OSBPL3: variants seen among roughly 807,000 people sequenced by gnomAD.
OSBPL3 encodes the protein oxysterol-binding protein-related protein 3.
OSBPL3 carries 65 observed loss-of-function variants against 120.1 expected under a neutral mutation model. The ratio of observed to expected loss-of-function variants is 0.54; its 90% CI spans 0.44 to 0.67. The LOEUF is 0.67. OSBPL3 is among the 30% of genes least tolerant of loss of function. The probability of loss-of-function intolerance (pLI) is 0.00; values close to 1 mark genes in which losing one functional copy is unlikely to be tolerated. For synonymous variants in OSBPL3, 416 were observed against 402.6 expected (o/e 1.03, Z -0.40); for missense variants, 1,004 against 1,082.1 (o/e 0.93, Z 1.01).
At position 24,867,089 on chromosome 7, in the gene OSBPL3, C is replaced by T. The variant is rs1346030484; in HGVS notation, c.382-852G>A. On this transcript the variant is annotated intron_variant, in intron 5 of 22. Coordinates refer to ENST00000313367, the MANE Select transcript of OSBPL3 (RefSeq NM_015550.4). This position sits in a 1 kb window ranked among gnomAD's most constrained non-coding sequence, Gnocchi z 4.5. ...TGCTGGGATTACAGGCGTGAGCCAC[C>T]ACACCTGGCCTGTTATGCTATTTTT... Among the ~76,000 whole-genome samples the T allele has an allele frequency of 6.6e-6, 1 of 152,172 alleles. No individual in the cohort carries two copies. Among genetic ancestry groups the T allele is most frequent in the Non-Finnish European group, 1.5e-5 (1 of 68,020 alleles).
intron 1 of OSBPL3, among the ~76,000 whole-genome samples, chr7:24,956,461 G>C (rs939629017): frequency 1.3e-5 from 2 of 152,244 alleles, no homozygotes; most frequent in African/African-American, 4.8e-5. Context: ...CCCATTCCAT[G>C]TATTTGTTGT....
intron 1 of OSBPL3, among the ~76,000 whole-genome samples, chr7:24,963,558 C>T (rs1287236866): frequency 6.6e-6 from 1 of 152,144 alleles, no homozygotes; most frequent in Non-Finnish European, 1.5e-5. Flanking sequence ...CATCTGACTG[C>T]CTATGCACAA....
chr7:24,865,277 T>G lies in OSBPL3; in HGVS notation c.673+65A>C, dbSNP rs1801149311. On this transcript the variant is annotated intron_variant, in intron 7 of 22. Transcript: ENST00000313367. ...GGGAAGGACACAAATGAATCTGAAGTGTAAACATCAAACCAGTATCATCTA... is the reference window on the plus strand; with the variant it reads ...GGGAAGGACACAAATGAATCTGAAGGGTAAACATCAAACCAGTATCATCTA... 2.6e-6 allele frequency: 4 copies of G among 1,536,628 alleles called. No individual in the cohort carries two copies. The Admixed American group carries it at 7.1e-5, about 27-fold the overall frequency.
chr7:24,874,181 T>C (rs1351777984), intron 2 of OSBPL3, among the ~76,000 whole-genome samples: 2 of 152,224 alleles, frequency 1.3e-5, no homozygotes, highest in Non-Finnish European at 1.5e-5. Context: ...GTGCCCAGTA[T>C]CTTTGAGCCA....
chr7:24,870,055 G>C (rs1408766209), intron 5 of OSBPL3, among the ~76,000 whole-genome samples: 1 of 152,186 alleles, frequency 6.6e-6, no homozygotes, highest in Non-Finnish European at 1.5e-5. Context: ...AACCCGACAA[G>C]ATAAGTATTA....
chr7:24,963,419 A>G (rs1173981199), intron 1 of OSBPL3, among the ~76,000 whole-genome samples: 1 of 152,214 alleles, frequency 6.6e-6, no homozygotes, highest in Non-Finnish European at 1.5e-5. Flanking sequence ...GTTCACCATG[A>G]CAAAACACCA....
At position 24,899,585 on chromosome 7, in the gene OSBPL3, T is replaced by C. The variant is rs982736922; in HGVS notation, c.-149-6964A>G. 1.3e-5 allele frequency among the ~76,000 whole-genome samples: 2 copies of C among 152,214 alleles called. No homozygotes were observed. Among genetic ancestry groups the C allele is most frequent in the Non-Finnish European group, 2.9e-5 (2 of 68,048 alleles). ...ACTTCTTTGTTACGGCATACATAGA[T>C]TGCACAGGCATATGAAATCTATACT... On this transcript the variant is annotated intron_variant, in intron 1 of 22. Coordinates refer to ENST00000313367, the MANE Select transcript of OSBPL3 (RefSeq NM_015550.4). This position sits in a 1 kb window ranked among gnomAD's most constrained non-coding sequence, Gnocchi z 4.0.
chr7:24,979,710 A>C (rs1818037264), intron 1 of OSBPL3, among the ~76,000 whole-genome samples, 176 bp downstream of exon 1: 1 of 151,986 alleles, frequency 6.6e-6, no homozygotes, highest in African/African-American at 2.4e-5. Flanking sequence ...TGCAGCCGGC[A>C]CCCAAGCTCC....
intron 1 of OSBPL3, among the ~76,000 whole-genome samples, chr7:24,954,558 C>G (rs1296653483): frequency 6.6e-6 from 1 of 151,588 alleles, no homozygotes; most frequent in Non-Finnish European, 1.5e-5. Context: ...GCTGCCTGGT[C>G]AATTCTCACA....
At chr7:24,816,174 GCCACC>G (rs1381703879) in intron 18 of OSBPL3, among the ~76,000 whole-genome samples, 1 of 152,092 alleles carries the variant, frequency 6.6e-6, no homozygotes, top group Non-Finnish European at 1.5e-5. Context: ...ACAGGTGCGT[GCCACC>G]ACTATGCCTG....
chr7:24,810,118 T>C, intron 19 of OSBPL3, 167 bp from the exon 20 acceptor site: 1 of 638,334 alleles, frequency 1.6e-6, no homozygotes, highest in Non-Finnish European at 2.7e-6. Context: ...ATAAAAAATT[T>C]ATATATTTAT....
chr7:24,840,831 G>T, intron 13 of OSBPL3, 48 bp from the exon 14 acceptor site: 2 of 858,668 alleles, frequency 2.3e-6, no homozygotes, highest in Admixed American at 5.0e-5. Flanking sequence ...ATAAACAAGA[G>T]CCAGATTTTC....
In OSBPL3 at chr7:24,824,789, G is replaced by A. The variant is rs1795503922; in HGVS notation, c.1885-4551C>T. Among the ~76,000 whole-genome samples, 1 of 152,208 alleles carries A rather than the reference G, an allele frequency of 6.6e-6. No individual in the cohort carries two copies. The highest frequency in any genetic ancestry group is 2.4e-5 in the African/African-American group (1 of 41,442). On this transcript the variant is annotated intron_variant, in intron 16 of 22. Transcript: ENST00000313367. This position sits in a 1 kb window ranked among gnomAD's most constrained non-coding sequence, Gnocchi z 4.9. ...AATAAAGCAGGGCATGAGGATGTGG[G>A]GACAGTGAGTAGGAGTGCTGGTCAG...
chr7:24,939,524 C>A lies in OSBPL3; in HGVS notation c.-150+40362G>T, dbSNP rs1302859174. On this transcript the variant is annotated intron_variant, in intron 1 of 22. Transcript: ENST00000313367. The surrounding 1 kb of genome is among the most constrained non-coding windows in gnomAD (Gnocchi z 4.2). ...TGGGAAACAAAAAGTTAACATGTTG[C>A]ATGTTTTAAAAAATTAAACACGCAG... Among the ~76,000 whole-genome samples, 2 of 152,158 alleles carry A rather than the reference C, an allele frequency of 1.3e-5. No individual in the cohort carries two copies. Among genetic ancestry groups the A allele is most frequent in the Admixed American group, 1.3e-4 (2 of 15,272 alleles).
At position 24,819,128 on chromosome 7, in the gene OSBPL3, C is replaced by T. The variant is rs1794811856; in HGVS notation, c.1948+1047G>A. Among the ~76,000 whole-genome samples the T allele has an allele frequency of 6.6e-6, 1 of 151,958 alleles. No individual in the cohort carries two copies. Among genetic ancestry groups the T allele is most frequent in the Non-Finnish European group, 1.5e-5 (1 of 68,016 alleles). On this transcript the variant is annotated intron_variant, in intron 17 of 22. Transcript: ENST00000313367. The surrounding 1 kb of genome is among the most constrained non-coding windows in gnomAD (Gnocchi z 4.1). ...ATTAGCTGGGCATAGTGGCGCATGC[C>T]TGTAGTCCCAGCTACTCGGGAGGCT... is the stretch of plus-strand genomic sequence containing the variant.
intron 1 of OSBPL3, among the ~76,000 whole-genome samples, chr7:24,961,719 T>C (rs898746415): frequency 6.6e-6 from 1 of 152,212 alleles, no homozygotes; most frequent in Non-Finnish European, 1.5e-5. Flanking sequence ...ATTTCTGGCA[T>C]TTTATTATAG....
rs556039266 is a variant in OSBPL3, at chr7:24,923,035, C to T, written c.-149-30414G>A. ...CTACACTATAACCACTACATACTTC[C>T]CCGCCCCAACACACACACAGAATCA... On this transcript the variant is annotated intron_variant, in intron 1 of 22. Coordinates refer to ENST00000313367, the MANE Select transcript of OSBPL3 (RefSeq NM_015550.4). Among the ~76,000 whole-genome samples, 48 of 152,316 alleles carry T rather than the reference C, an allele frequency of 3.2e-4. 1 individual carries two copies. The highest frequency in any genetic ancestry group is 3.4e-3 in the Middle Eastern group (1 of 294).
intron 16 of OSBPL3, among the ~76,000 whole-genome samples, chr7:24,828,687 T>C (rs1029223099): frequency 6.7e-6 from 1 of 148,880 alleles, no homozygotes; most frequent in African/African-American, 2.5e-5. Context: ...ATTTACTGAA[T>C]ATTTCCATCA....
Position 24,849,169 on chromosome 7 carries a change from G to T in OSBPL3, c.1166C>A (p.Ala389Glu). The change falls in exon 12 of 23, where the codon GCA (alanine) becomes GAA (glutamate). Residue 389 changes from alanine to glutamate, a missense_variant. Around this residue, in one of 4 missense-constraint regions of OSBPL3, gnomAD observed 272 missense variants for 248.8 expected, o/e 1.09. Coordinates refer to ENST00000313367, the MANE Select transcript of OSBPL3 (RefSeq NM_015550.4). The surrounding 1 kb of genome is among the most constrained non-coding windows in gnomAD (Gnocchi z 5.4). ...GCGTTCTTTAAGATCTGTGTTTTGT[G>T]CTAGGGCCTGGAACATGTTAAAATA... ...GLKNALSSAL[A>E]QNTDLKERLR... The T allele has an allele frequency of 6.2e-7, 1 of 1,612,820 alleles. No homozygotes were observed. Among genetic ancestry groups the T allele is most frequent in the Non-Finnish European group, 8.5e-7 (1 of 1,178,926 alleles).
Sources: gnomAD v4.1 joint callset for allele counts (sites outside exome capture counted in the v4.1 genomes callset) on GRCh38, gnomAD v4.1.1 for gene constraint, gnomAD v4.1.1 regional missense constraint, Gnocchi (gnomAD v3.1) non-coding constraint, MANE v1.5 for transcripts, NCBI Gene and HGNC (gene_info 2026-07-23, HGNC 2026-07-21) for gene names.